The following SIPA1L3 variants were observed in gnomAD, a reference collection of about 807,000 sequenced individuals.
SIPA1L3 encodes the protein signal induced proliferation associated 1 like 3, also known as signal-induced proliferation-associated 1-like protein 3.
A neutral mutation model predicts 150.1 loss-of-function variants in SIPA1L3; 59 were observed. That is an observed-to-expected ratio of 0.39 (90% confidence interval 0.32 to 0.49). SIPA1L3 has a LOEUF of 0.49. SIPA1L3 is among the 20% of genes least tolerant of loss of function. The pLI is 0.86. For synonymous variants in SIPA1L3, 1,070 were observed against 1,077.6 expected, an observed-to-expected ratio of 0.99 and a Z score of 0.14; for missense variants, 2,211 against 2,489.5, an observed-to-expected ratio of 0.89 and a Z score of 2.38.
At chr19:38,000,993 T>TAA (rs1568496104) in intron 1 of SIPA1L3, among the ~76,000 whole-genome samples, 8 of 147,974 alleles carry the variant, frequency 5.4e-5, no homozygotes, top group Non-Finnish European at 1.0e-4. Context: ...CACATATATA[T>TAA]AACACATCAA....
chr19:38,038,250 G>C (rs541501641), intron 2 of SIPA1L3, among the ~76,000 whole-genome samples: 1 of 152,114 alleles, frequency 6.6e-6, no homozygotes, highest in African/African-American at 2.4e-5. Context: ...AAGGAGTTCT[G>C]AGCAGACACA....
chr19:38,169,781 C>T (rs553653921), intron 15 of SIPA1L3, among the ~76,000 whole-genome samples: 25 of 152,332 alleles, frequency 1.6e-4, no homozygotes, highest in African/African-American at 3.4e-4. Flanking sequence ...GCCTGACTGA[C>T]GCATTCCCAG....
chr19:37,962,903 T>G (rs1236197603), intron 1 of SIPA1L3, among the ~76,000 whole-genome samples: 1 of 152,232 alleles, frequency 6.6e-6, no homozygotes, highest in Non-Finnish European at 1.5e-5. Context: ...TTTCTCCTTT[T>G]GTTTTGTTTA....
intron 18 of SIPA1L3, among the ~76,000 whole-genome samples, chr19:38,194,527 G>A (rs1055222672): frequency 8.5e-5 from 13 of 152,330 alleles, no homozygotes; most frequent in East Asian, 5.8e-4. Context: ...GCCACTGCGC[G>A]TGGGGTGCCC....
chr19:38,012,835 TC>T (rs1230891990), intron 1 of SIPA1L3, among the ~76,000 whole-genome samples: 1 of 152,190 alleles, frequency 6.6e-6, no homozygotes, highest in Non-Finnish European at 1.5e-5. Context: ...GGCCTTTGGT[TC>T]TGGGCCAGCC....
rs556222316 is a variant in SIPA1L3 at position 37,995,556 on chromosome 19, G to A, written c.-378-33533G>A. On this transcript the variant is annotated intron_variant, in intron 1 of 21. Transcript: ENST00000222345. ...CACAGGAAAGAGAAACTCGGCTTGG[G>A]CACCATCAGGGAGAACTGTGAAGAG... Among the ~76,000 whole-genome samples, 16 of 152,302 alleles carry A rather than the reference G, an allele frequency of 1.1e-4. 1 individual carries two copies. In the South Asian group the frequency reaches 3.1e-3, roughly 30 times the overall value.
chr19:38,195,998 A>T (rs185179060), intron 18 of SIPA1L3, among the ~76,000 whole-genome samples: 1 of 151,532 alleles, frequency 6.6e-6, no homozygotes, highest in Non-Finnish European at 1.5e-5. Context: ...CAGCACACAC[A>T]CACCCTTCTC....
intron 15 of SIPA1L3, among the ~76,000 whole-genome samples, chr19:38,176,990 CAAAA>C (rs1302119778): frequency 2.6e-5 from 4 of 151,088 alleles, no homozygotes; most frequent in African/African-American, 9.7e-5. Context: ...AAACAAACAA[CAAAA>C]AAACAAACAA....
chr19:38,079,733 T>G (rs949403714), intron 2 of SIPA1L3, among the ~76,000 whole-genome samples: 3 of 152,014 alleles, frequency 2.0e-5, no homozygotes, highest in Non-Finnish European at 4.4e-5. Flanking sequence ...TTTTTGTATT[T>G]TTAGTAGAGA....
At chr19:38,160,568 T>C (rs1972059935) in intron 13 of SIPA1L3, among the ~76,000 whole-genome samples, 1 of 151,856 alleles carries the variant, frequency 6.6e-6, no homozygotes, top group Admixed American at 6.6e-5. Context: ...CACCCAGCTA[T>C]TTTTTGTATT....
chr19:38,158,684 C>G (rs993248840), intron 13 of SIPA1L3, among the ~76,000 whole-genome samples: 2 of 152,208 alleles, frequency 1.3e-5, no homozygotes, highest in African/African-American at 4.8e-5. Context: ...GCAGCGTTAA[C>G]CAAATTTCTT....
rs1306685870 is a variant in SIPA1L3, at chr19:37,968,354, G to C, written c.-378-60735G>C. 2.6e-5 allele frequency among the ~76,000 whole-genome samples: 4 copies of C among 152,132 alleles called. No individual in the cohort carries two copies. In the East Asian group the frequency reaches 7.7e-4, roughly 29 times the overall value. On this transcript the variant is annotated intron_variant, in intron 1 of 21. Coordinates refer to ENST00000222345, the MANE Select transcript of SIPA1L3 (RefSeq NM_015073.3). The stretch of plus-strand genomic sequence containing the variant: ...TCCAAAGTGCTGGGATTACAGGCAT[G>C]AGCCACCGCGCCCGGCCGGCCTCAT...
intron 6 of SIPA1L3, among the ~76,000 whole-genome samples, chr19:38,101,504 G>A (rs1447447105): frequency 6.6e-6 from 1 of 152,146 alleles, no homozygotes; most frequent in African/African-American, 2.4e-5. Context: ...TACCTCCCAG[G>A]TTCAAGCAAG....
At chr19:38,068,487 G>T (rs1375618309) in intron 2 of SIPA1L3, among the ~76,000 whole-genome samples, 2 of 152,152 alleles carry the variant, frequency 1.3e-5, no homozygotes, top group African/African-American at 2.4e-5. Flanking sequence ...AGGGCAAAGG[G>T]GTGGCAGGCA....
At chr19:38,176,189 T>TTC (rs1295983915) in intron 15 of SIPA1L3, among the ~76,000 whole-genome samples, 1 of 152,024 alleles carries the variant, frequency 6.6e-6, no homozygotes, top group Non-Finnish European at 1.5e-5. Context: ...TTTTTTTTTT[T>TTC]TCAAGTACAG....
chr19:37,955,257 G>A (rs963755269), intron 1 of SIPA1L3, among the ~76,000 whole-genome samples: 3 of 152,066 alleles, frequency 2.0e-5, no homozygotes, highest in Middle Eastern at 6.8e-3. Flanking sequence ...CAGGTGTGTT[G>A]GCACATGCCT....
chr19:37,937,801 C>T (rs1184917967), intron 1 of SIPA1L3, among the ~76,000 whole-genome samples: 2 of 141,294 alleles, frequency 1.4e-5, no homozygotes, highest in East Asian at 2.1e-4. Flanking sequence ...AATCCCAGCA[C>T]TTTGGGAGGC....
At chr19:38,086,163 T>C (rs1970126307) in intron 3 of SIPA1L3, among the ~76,000 whole-genome samples, 1 of 152,200 alleles carries the variant, frequency 6.6e-6, no homozygotes, top group South Asian at 2.1e-4. Context: ...GATTTTACAC[T>C]GTATATGTAT....
intron 13 of SIPA1L3, among the ~76,000 whole-genome samples, chr19:38,158,870 T>C (rs1972010582): frequency 1.3e-5 from 2 of 152,190 alleles, no homozygotes; most frequent in Admixed American, 1.3e-4. Context: ...GCCTGATAGA[T>C]ACCCAAGTGG....
Sources: gnomAD v4.1 joint callset for allele counts (sites outside exome capture counted in the v4.1 genomes callset) on GRCh38, gnomAD v4.1.1 for gene constraint, MANE v1.5 for transcripts, NCBI Gene and HGNC (gene_info 2026-07-23, HGNC 2026-07-21) for gene names.